The following TRERF1 variants were observed in gnomAD, a reference collection of about 807,000 sequenced individuals.
TRERF1 encodes the protein transcriptional regulating factor 1, also known as transcriptional-regulating factor 1.
A neutral mutation model predicts 122.9 loss-of-function variants in TRERF1; 27 were observed. That is an observed-to-expected ratio of 0.22 (90% CI 0.16 to 0.30). The LOEUF (loss-of-function observed/expected upper bound fraction) is 0.30, where lower values mean the gene tolerates loss of function less well. Ranked by LOEUF, TRERF1 falls within the 10% of genes least tolerant of loss-of-function variation. The probability of loss-of-function intolerance (pLI) is 1.00; values close to 1 mark genes in which losing one functional copy is unlikely to be tolerated. For missense variants in TRERF1, 1,248 were observed against 1,560.3 expected (o/e 0.80, Z 3.37); for synonymous variants, 636 against 641.7 (o/e 0.99, Z 0.13).
chr6:42,291,716 G>A (rs1280989979), intron 4 of TRERF1, among the ~76,000 whole-genome samples: 1 of 150,686 alleles, frequency 6.6e-6, no homozygotes, highest in African/African-American at 2.4e-5. Flanking sequence ...TTTTTTGTGT[G>A]TGTATTTTTT....
intron 2 of TRERF1, among the ~76,000 whole-genome samples, chr6:42,379,292 C>T (rs1412224412): frequency 6.6e-6 from 1 of 152,008 alleles, no homozygotes; most frequent in East Asian, 1.9e-4. Context: ...GCCAGCCTAC[C>T]ATGCCAAAGA....
chr6:42,367,517 G>T (rs529073447), intron 2 of TRERF1, among the ~76,000 whole-genome samples: 2 of 152,242 alleles, frequency 1.3e-5, no homozygotes, highest in South Asian at 4.2e-4. Flanking sequence ...GATGAAATCC[G>T]GCCCTGCTGG....
At chr6:42,397,718 A>C (rs949246334) in intron 2 of TRERF1, among the ~76,000 whole-genome samples, 23 of 152,220 alleles carry the variant, frequency 1.5e-4, no homozygotes, top group Admixed American at 1.5e-3. Context: ...GCTTGTCTCC[A>C]TCAGAAGTGC....
intron 3 of TRERF1, among the ~76,000 whole-genome samples, chr6:42,360,034 C>A (rs1771417450): frequency 6.6e-6 from 1 of 152,114 alleles, no homozygotes; most frequent in African/African-American, 2.4e-5. Context: ...CAGAACTAAT[C>A]AGCAGCAGAT....
intron 2 of TRERF1, among the ~76,000 whole-genome samples, chr6:42,429,428 A>G (rs1462437339): frequency 1.3e-5 from 2 of 152,254 alleles, no homozygotes; most frequent in East Asian, 3.9e-4. Flanking sequence ...GAGGGGGGGA[A>G]ATGGAAGGAA....
intron 2 of TRERF1, among the ~76,000 whole-genome samples, chr6:42,439,020 A>G (rs1305376111): frequency 2.0e-5 from 3 of 152,220 alleles, no homozygotes; most frequent in Non-Finnish European, 4.4e-5. Context: ...GGGGACAGAC[A>G]CAGAAGTGAA....
chr6:42,361,889 G>A (rs1490855707), intron 3 of TRERF1, among the ~76,000 whole-genome samples: 1 of 152,204 alleles, frequency 6.6e-6, no homozygotes, highest in African/African-American at 2.4e-5. Context: ...ACTGGCATCA[G>A]GAGATGGGAG....
intron 15 of TRERF1, among the ~76,000 whole-genome samples, chr6:42,242,651 C>T (rs1223272964): frequency 6.6e-6 from 1 of 152,106 alleles, no homozygotes; most frequent in East Asian, 1.9e-4. Context: ...GTCTTTGGTA[C>T]GTACTTAATG....
intron 2 of TRERF1, among the ~76,000 whole-genome samples, chr6:42,428,467 A>G (rs1783976001): frequency 6.6e-6 from 1 of 152,160 alleles, no homozygotes; most frequent in Non-Finnish European, 1.5e-5. Flanking sequence ...AGACACCAAG[A>G]TTGGGGTGGA....
At chr6:42,313,509 A>G (rs485861) in intron 3 of TRERF1, among the ~76,000 whole-genome samples, 109,022 of 151,874 alleles carry the variant, frequency 0.72, 39,210 homozygotes, top group South Asian at 0.77. Flanking sequence ...AACTCTCCCA[A>G]GAGTCCCTCT....
chr6:42,265,524 C>T (rs1455180245), intron 6 of TRERF1, among the ~76,000 whole-genome samples: 1 of 152,188 alleles, frequency 6.6e-6, no homozygotes, highest in Non-Finnish European at 1.5e-5. Context: ...TTATTGAGTG[C>T]TTACTGAGTA....
chr6:42,346,693 AC>A (rs1768355955), intron 3 of TRERF1, among the ~76,000 whole-genome samples: 1 of 152,138 alleles, frequency 6.6e-6, no homozygotes, highest in African/African-American at 2.4e-5. Context: ...AAAGAGACCA[AC>A]CATCCTAGAA....
intron 4 of TRERF1, among the ~76,000 whole-genome samples, chr6:42,288,574 C>CAAAAAAAAAAAAAAA (rs3074797): frequency 2.3e-5 from 2 of 86,540 alleles, no homozygotes; most frequent in African/African-American, 9.7e-5. Context: ...ATCTCAAAAC[C>CAAAAAAAAAAAAAAA]AAAAAAAAAA....
chr6:42,308,134 C>T (rs1410548149), intron 3 of TRERF1, among the ~76,000 whole-genome samples: 3 of 152,210 alleles, frequency 2.0e-5, no homozygotes, highest in East Asian at 1.9e-4. Context: ...CCCACATCAC[C>T]GAAAATGGGT....
chr6:42,307,061 A>G (rs939137268), intron 3 of TRERF1, among the ~76,000 whole-genome samples: 10 of 152,186 alleles, frequency 6.6e-5, no homozygotes, highest in Admixed American at 6.5e-5. Flanking sequence ...CAAGGCTGAG[A>G]CCGCCGACTT....
intron 1 of TRERF1, 29 bp from the exon 2 acceptor site, chr6:42,451,290 T>C (rs1235169137): frequency 6.5e-6 from 1 of 152,808 alleles, no homozygotes; most frequent in Non-Finnish European, 1.5e-5. Context: ...TATTAATTTA[T>C]GTCAGCCGCC....
chr6:42,336,476 TC>T (rs1284853346), intron 3 of TRERF1, among the ~76,000 whole-genome samples: 1 of 152,036 alleles, frequency 6.6e-6, no homozygotes, highest in Admixed American at 6.5e-5. Context: ...CCAACCTTGG[TC>T]AGGAGGTATG....
rs764478955 is a variant in TRERF1 at position 42,268,823 on chromosome 6, C to A, written c.768G>T (p.Met256Ile). 2 of 1,614,056 alleles carry A rather than the reference C, an allele frequency of 1.2e-6. No individual in the cohort carries two copies. The highest frequency in any genetic ancestry group is 4.5e-5 in the East Asian group (2 of 44,898). The change falls in exon 5 of 18, where the codon ATG becomes ATT. Residue 256 changes from methionine to isoleucine, a missense_variant. Transcript: ENST00000372922. This position sits in a 1 kb window ranked among gnomAD's most constrained non-coding sequence, Gnocchi z 4.4. Reference sequence around the variant, plus strand: ...GCATCTGTTGCATGTGCTGTGACAGCATCTGTGGGGCCTGCAGTGGCTGTC... The same window carrying A: ...GCATCTGTTGCATGTGCTGTGACAGAATCTGTGGGGCCTGCAGTGGCTGTC...
intron 2 of TRERF1, among the ~76,000 whole-genome samples, chr6:42,390,430 G>A (rs1777530911): frequency 6.6e-6 from 1 of 152,080 alleles, no homozygotes. Flanking sequence ...ATTTGAGAGA[G>A]CTATGTGATT....
Sources: gnomAD v4.1 joint callset for allele counts (sites outside exome capture counted in the v4.1 genomes callset) on GRCh38, gnomAD v4.1.1 for gene constraint, Gnocchi (gnomAD v3.1) non-coding constraint, MANE v1.5 for transcripts, NCBI Gene and HGNC (gene_info 2026-07-23, HGNC 2026-07-21) for gene names.